The following SNAP25 variants were observed in gnomAD, a reference collection of about 807,000 sequenced individuals.
SNAP25 encodes synaptosome associated protein 25.
Under a neutral mutation model 28.7 loss-of-function variants are expected in SNAP25, and 3 were observed. The ratio of observed to expected loss-of-function variants is 0.10; its 90% CI spans 0.05 to 0.27. The LOEUF (loss-of-function observed/expected upper bound fraction) is 0.27, where lower values mean the gene tolerates loss of function less well. Ranked by LOEUF, SNAP25 falls within the 10% of genes least tolerant of loss-of-function variation. The pLI, the probability that SNAP25 is intolerant of heterozygous loss-of-function variation, is 1.00. For synonymous variants in SNAP25, 61 were observed against 88.1 expected (o/e 0.69, Z 1.72); for missense variants, 117 against 278.7 (o/e 0.42, Z 4.13).
At chr20:10,256,161 T>C (rs921354997) in intron 1 of SNAP25, among the ~76,000 whole-genome samples, 2 of 152,220 alleles carry the variant, frequency 1.3e-5, no homozygotes, top group African/African-American at 4.8e-5. Context: ...GCTAGGTATC[T>C]CTAAGAAATA....
intron 7 of SNAP25, among the ~76,000 whole-genome samples, chr20:10,300,112 A>G (rs1376971176): frequency 4.6e-5 from 7 of 152,024 alleles, no homozygotes. Flanking sequence ...AGTTTACACA[A>G]GGACACCAGA....
intron 7 of SNAP25, among the ~76,000 whole-genome samples, chr20:10,300,500 T>G (rs2064210955): frequency 6.6e-6 from 1 of 152,218 alleles, no homozygotes; most frequent in African/African-American, 2.4e-5. Context: ...GTTCTTTGTC[T>G]GATATCCTAA....
chr20:10,291,043 A>G (rs982920559), intron 4 of SNAP25, among the ~76,000 whole-genome samples: 3 of 152,188 alleles, frequency 2.0e-5, no homozygotes, highest in African/African-American at 7.2e-5. Context: ...GGGGATTGCC[A>G]TATATATAGC....
In SNAP25 at chr20:10,277,673, T is replaced by C. The variant is rs747388194; in HGVS notation, c.73-12T>C. ...TCATAAAGTTTATGTTTGTTTGTTTTTTAAATCTTAGTCGCTGGAAAGCAC... is the reference window on the plus strand; with the variant it reads ...TCATAAAGTTTATGTTTGTTTGTTTCTTAAATCTTAGTCGCTGGAAAGCAC... On this transcript the variant is annotated splice_polypyrimidine_tract_variant and intron_variant, in intron 2 of 7. Coordinates refer to ENST00000254976, the MANE Select transcript of SNAP25 (RefSeq NM_130811.4). 11 of 1,612,452 alleles carry C rather than the reference T, an allele frequency of 6.8e-6. No homozygotes were observed. In the East Asian group the frequency reaches 2.0e-4, roughly 29 times the overall value.
intron 1 of SNAP25, among the ~76,000 whole-genome samples, chr20:10,239,397 A>G (rs1008166178): frequency 1.1e-4 from 17 of 152,268 alleles, no homozygotes; most frequent in African/African-American, 4.1e-4. Flanking sequence ...AGGAGATACT[A>G]TATTTGGACA....
intron 7 of SNAP25, among the ~76,000 whole-genome samples, chr20:10,304,756 G>A (rs765038373): frequency 2.0e-5 from 3 of 152,164 alleles, no homozygotes; most frequent in Non-Finnish European, 4.4e-5. Context: ...AAGGTTTACA[G>A]TATTGCACTA....
chr20:10,221,133 C>T (rs2062625409), intron 1 of SNAP25, among the ~76,000 whole-genome samples: 1 of 152,320 alleles, frequency 6.6e-6, no homozygotes, highest in South Asian at 2.1e-4. Context: ...TAACTTCATG[C>T]TGCATGTCCA....
intron 3 of SNAP25, among the ~76,000 whole-genome samples, chr20:10,283,743 C>T (rs1307599628): frequency 1.3e-5 from 2 of 152,154 alleles, no homozygotes; most frequent in Non-Finnish European, 2.9e-5. Context: ...CTTAGAATTT[C>T]TTCTGGGGGT....
chr20:10,304,279 T>C (rs35636218), intron 7 of SNAP25, among the ~76,000 whole-genome samples: 7 of 152,212 alleles, frequency 4.6e-5, no homozygotes, highest in African/African-American at 1.7e-4. Context: ...GTTGATATTG[T>C]TAATCTTGAT....
intron 1 of SNAP25, among the ~76,000 whole-genome samples, chr20:10,233,492 C>T (rs2062861545): frequency 6.6e-6 from 1 of 152,188 alleles, no homozygotes; most frequent in Non-Finnish European, 1.5e-5. Context: ...TCTGCATTTA[C>T]TAACCAAAAC....
intron 1 of SNAP25, among the ~76,000 whole-genome samples, chr20:10,274,618 C>T (rs763429162): frequency 5.3e-5 from 8 of 152,066 alleles, no homozygotes; most frequent in African/African-American, 1.4e-4. Context: ...CCAAGGCAGG[C>T]GGATCACAAG....
chr20:10,276,781 T>C (rs1025769676), intron 2 of SNAP25, among the ~76,000 whole-genome samples: 1 of 152,244 alleles, frequency 6.6e-6, no homozygotes, highest in Non-Finnish European at 1.5e-5. Flanking sequence ...TTATAAATTT[T>C]GTGCTATTCA....
chr20:10,293,060 C>A lies in SNAP25; in HGVS notation c.164-101C>A, dbSNP rs201512766. On this transcript the variant is annotated intron_variant, in intron 4 of 7. Coordinates refer to ENST00000254976, the MANE Select transcript of SNAP25 (RefSeq NM_130811.4). This position sits in a 1 kb window ranked among gnomAD's most constrained non-coding sequence, Gnocchi z 5.6. Reference sequence around the variant, plus strand: ...CAGTTTTCTTTCTTTTTTTTTTTTTCTTTTTTAATGTCAAAGTGAATGTCT... The same window carrying A: ...CAGTTTTCTTTCTTTTTTTTTTTTTATTTTTTAATGTCAAAGTGAATGTCT... The A allele has an allele frequency of 7.9e-5, 91 of 1,145,380 alleles. No homozygotes were observed. The highest frequency in any genetic ancestry group is 9.6e-5 in the Non-Finnish European group (81 of 843,132). 71.0% of individuals were successfully genotyped at this position (1,145,380 alleles called of 1,614,324 possible).
intron 1 of SNAP25, among the ~76,000 whole-genome samples, chr20:10,220,652 A>T (rs1003686544): frequency 6.6e-6 from 1 of 152,264 alleles, no homozygotes; most frequent in Admixed American, 6.5e-5. Context: ...TGATGTAGAT[A>T]AAACTGGCAT....
In SNAP25 at chr20:10,301,918, TAA is replaced by T. The variant is rs1491332204; in HGVS notation, c.552+2510_552+2511del. ...TATGTATATGGTTATTATATATATATAAAAACCATATATAAAAATAACCATAT... is the reference window on the plus strand; with the variant it reads ...TATGTATATGGTTATTATATATATATAAACCATATATAAAAATAACCATAT... On this transcript the variant is annotated intron_variant, in intron 7 of 7. Transcript: ENST00000254976. Among the ~76,000 whole-genome samples the T allele has an allele frequency of 3.4e-5, 5 of 147,576 alleles. No homozygotes were observed. In the East Asian group the frequency reaches 5.9e-4, roughly 17 times the overall value.
chr20:10,226,775 T>A (rs1481949888), intron 1 of SNAP25, among the ~76,000 whole-genome samples: 1 of 152,128 alleles, frequency 6.6e-6, no homozygotes, highest in East Asian at 1.9e-4. Flanking sequence ...TCAGTAAATA[T>A]CTAAGGTATG....
At chr20:10,264,284 C>T (rs1600712449) in intron 1 of SNAP25, among the ~76,000 whole-genome samples, 1 of 152,216 alleles carries the variant, frequency 6.6e-6, no homozygotes, top group East Asian at 1.9e-4. Flanking sequence ...CAGAAGAAAC[C>T]AGATCAAGAC....
At chr20:10,258,066 G>T (rs574500818) in intron 1 of SNAP25, among the ~76,000 whole-genome samples, 35 of 152,184 alleles carry the variant, frequency 2.3e-4, no homozygotes, top group Admixed American at 5.9e-4. Flanking sequence ...CCCACTCAAG[G>T]ATTATCCCAT....
chr20:10,254,800 G>A (rs569271010), intron 1 of SNAP25, among the ~76,000 whole-genome samples: 1 of 152,270 alleles, frequency 6.6e-6, no homozygotes, highest in African/African-American at 2.4e-5. Context: ...TACCTGCCTC[G>A]GGTCTGGAAA....
Sources: allele counts gnomAD v4.1 joint callset (sites outside exome capture counted in the v4.1 genomes callset), GRCh38; gene constraint gnomAD v4.1.1; non-coding constraint Gnocchi (gnomAD v3.1); transcripts MANE v1.5; gene names NCBI Gene and HGNC (gene_info 2026-07-23, HGNC 2026-07-21).